The following CNTN4 variants were observed in gnomAD, a reference collection of about 807,000 sequenced individuals.
The protein encoded by CNTN4 is contactin-4.
In CNTN4, 77 loss-of-function variants were observed where a neutral mutation model predicts 122.5. The observed-to-expected ratio is 0.63, with a 90% confidence interval of 0.52 to 0.76. The LOEUF (loss-of-function observed/expected upper bound fraction) is 0.76, where lower values mean the gene tolerates loss of function less well. Ranked by LOEUF, CNTN4 falls within the 30% of genes least tolerant of loss-of-function variation. CNTN4 has a pLI of 0.00. For synonymous variants in CNTN4, 512 were observed against 447.0 expected, an observed-to-expected ratio of 1.15 and a Z score of -1.83; for missense variants, 1,256 against 1,259.1, an observed-to-expected ratio of 1.00 and a Z score of 0.04.
intron 2 of CNTN4, among the ~76,000 whole-genome samples, chr3:2,208,176 A>G (rs2038448778): frequency 6.6e-6 from 1 of 152,196 alleles, no homozygotes; most frequent in Non-Finnish European, 1.5e-5. Context: ...AGTAAATTTC[A>G]AACCTTCTGG....
chr3:2,281,019 C>T (rs1562518), intron 2 of CNTN4, among the ~76,000 whole-genome samples: 58,757 of 151,898 alleles, frequency 0.39, 11,602 homozygotes, highest in East Asian at 0.47. Context: ...CAGTTTATGA[C>T]ACGCTGATGG....
chr3:2,906,023 T>C (rs756127907), intron 12 of CNTN4, among the ~76,000 whole-genome samples: 4 of 152,132 alleles, frequency 2.6e-5, no homozygotes, highest in Non-Finnish European at 5.9e-5. Flanking sequence ...AAGGAGAAAA[T>C]CCTGTCATTT....
intron 4 of CNTN4, among the ~76,000 whole-genome samples, chr3:2,694,633 G>T (rs2149215116): frequency 6.6e-6 from 1 of 152,292 alleles, no homozygotes; most frequent in East Asian, 1.9e-4. Flanking sequence ...AGGAGGCGAG[G>T]CAAGAGAATT....
At chr3:2,179,484 C>G (rs987105613) in intron 2 of CNTN4, among the ~76,000 whole-genome samples, 3 of 151,886 alleles carry the variant, frequency 2.0e-5, no homozygotes, top group Admixed American at 6.6e-5. Context: ...TGAACGCTTT[C>G]CCTGTAGTAG....
intron 2 of CNTN4, among the ~76,000 whole-genome samples, chr3:2,313,228 T>G (rs2042976049): frequency 6.6e-6 from 1 of 151,810 alleles, no homozygotes; most frequent in Non-Finnish European, 1.5e-5. Flanking sequence ...AAACGTCTTG[T>G]ACAGAAAAAC....
At chr3:2,436,727 CTT>C (rs1245468465) in intron 3 of CNTN4, among the ~76,000 whole-genome samples, 15 of 151,318 alleles carry the variant, frequency 9.9e-5, no homozygotes, top group South Asian at 4.2e-4. Flanking sequence ...TTTAATGTCT[CTT>C]ATATCTTTTA....
At chr3:3,010,806 AC>A (rs1282989131) in intron 14 of CNTN4, among the ~76,000 whole-genome samples, 2 of 152,276 alleles carry the variant, frequency 1.3e-5, no homozygotes, top group Admixed American at 1.3e-4. Context: ...ATTTAGAATA[AC>A]CTTGTAAAAG....
chr3:2,616,996 G>A (rs369348714), intron 4 of CNTN4, among the ~76,000 whole-genome samples: 5 of 151,960 alleles, frequency 3.3e-5, no homozygotes, highest in Admixed American at 6.6e-5. Context: ...TAACTCAAGC[G>A]GGATTAAAGG....
At chr3:2,600,485 A>G (rs1240634764) in intron 4 of CNTN4, among the ~76,000 whole-genome samples, 1 of 152,038 alleles carries the variant, frequency 6.6e-6, no homozygotes, top group Non-Finnish European at 1.5e-5. Context: ...TTTGCTCAGA[A>G]TGATGGTTTC....
At chr3:2,738,089 T>G (rs552105362) in intron 5 of CNTN4, among the ~76,000 whole-genome samples, 1 of 152,218 alleles carries the variant, frequency 6.6e-6, no homozygotes. Context: ...GAAGCAATAT[T>G]TAAAGAGAAG....
At chr3:2,475,550 A>T (rs1037457952) in intron 3 of CNTN4, among the ~76,000 whole-genome samples, 32 of 152,184 alleles carry the variant, frequency 2.1e-4, no homozygotes, top group African/African-American at 7.5e-4. Context: ...AATGTAACAA[A>T]TGATAGTGCA....
intron 12 of CNTN4, among the ~76,000 whole-genome samples, chr3:2,917,298 C>G (rs917514549): frequency 6.7e-6 from 1 of 148,726 alleles, no homozygotes; most frequent in Non-Finnish European, 1.5e-5. Context: ...AAGCGGGAGG[C>G]GGAGACGAGG....
Position 2,286,471 on chromosome 3 carries a change from A to G in CNTN4, c.-144-52707A>G, listed in dbSNP as rs1400035775. Among the ~76,000 whole-genome samples the G allele has an allele frequency of 2.6e-5, 4 of 152,020 alleles. No homozygotes were observed. The East Asian group carries it at 7.8e-4, about 29-fold the overall frequency. On this transcript the variant is annotated intron_variant, in intron 2 of 24. Coordinates refer to ENST00000418658, the MANE Select transcript of CNTN4 (RefSeq NM_175607.3). ...TAAAAAAACTACATGGTTGTTAAAC[A>G]AGGCTTGTCAAGCTATTAAAAACAA... is the stretch of plus-strand genomic sequence containing the variant.
At chr3:2,667,212 G>T (rs2084220135) in intron 4 of CNTN4, among the ~76,000 whole-genome samples, 2 of 152,190 alleles carry the variant, frequency 1.3e-5, no homozygotes, top group Non-Finnish European at 2.9e-5. Context: ...CACTAACAGT[G>T]TAAAAGTGTT....
Position 2,416,693 on chromosome 3 carries a change from G to A in CNTN4, c.-89+77460G>A, listed in dbSNP as rs576387083. On this transcript the variant is annotated intron_variant, in intron 3 of 24. Transcript: ENST00000418658. ...TTTTAGGACGGAGTCTCTGTCTGTC[G>A]CCCAGGCTGGAGTGCAGTGGTGTGA... is the stretch of plus-strand genomic sequence containing the variant. 1.1e-4 allele frequency among the ~76,000 whole-genome samples: 16 copies of A among 151,460 alleles called. 1 individual carries two copies. The South Asian group carries it at 2.3e-3, about 22-fold the overall frequency.
At chr3:2,169,447 CT>C (rs2036346998) in intron 2 of CNTN4, among the ~76,000 whole-genome samples, 1 of 151,978 alleles carries the variant, frequency 6.6e-6, no homozygotes, top group South Asian at 2.1e-4. Context: ...GGCTCTGTCA[CT>C]CAGGCTGGAG....
chr3:2,610,679 T>C (rs2081443913), intron 4 of CNTN4, among the ~76,000 whole-genome samples: 2 of 152,308 alleles, frequency 1.3e-5, no homozygotes, highest in Admixed American at 6.5e-5. Flanking sequence ...GGAAATGTTG[T>C]TTTAATTTGT....
intron 24 of CNTN4, among the ~76,000 whole-genome samples, chr3:3,055,321 T>C (rs1701685856): frequency 6.6e-6 from 1 of 152,228 alleles, no homozygotes; most frequent in African/African-American, 2.4e-5. Context: ...ATTGCAGGGA[T>C]TGACATTTTT....
intron 3 of CNTN4, among the ~76,000 whole-genome samples, chr3:2,343,155 A>AG (rs2044270369): frequency 1.3e-5 from 2 of 152,304 alleles, no homozygotes; most frequent in South Asian, 4.1e-4. Flanking sequence ...GCAGGAGAAT[A>AG]GGGTCTGGAG....
Sources: allele counts gnomAD v4.1 joint callset (sites outside exome capture counted in the v4.1 genomes callset), GRCh38; gene constraint gnomAD v4.1.1; transcripts MANE v1.5; gene names NCBI Gene and HGNC (gene_info 2026-07-23, HGNC 2026-07-21).